The following ZNF202 variants were observed in gnomAD, a reference collection of about 807,000 sequenced individuals.
ZNF202 encodes zinc finger protein with KRAB and SCAN domains 10.
In ZNF202, 22 loss-of-function variants were observed where a neutral mutation model predicts 54.5. That is an observed-to-expected ratio of 0.40 (90% CI 0.29 to 0.58). The LOEUF is 0.58. Ranked by LOEUF, ZNF202 falls within the 20% of genes least tolerant of loss-of-function variation. ZNF202 has a pLI of 0.39. For synonymous variants in ZNF202, 294 were observed against 301.4 expected, an observed-to-expected ratio of 0.98 and a Z score of 0.26; for missense variants, 644 against 805.5, an observed-to-expected ratio of 0.80 and a Z score of 2.43.
At position 123,728,371 on chromosome 11, in the gene ZNF202, CT is replaced by C. The variant is rs1166841378; in HGVS notation, c.703-110del. The C allele has an allele frequency of 5.2e-6, 7 of 1,336,324 alleles. No individual in the cohort carries two copies. The East Asian group carries it at 2.3e-4, about 44-fold the overall frequency. The allele number at this position is 1,336,324 out of a possible 1,614,324, so 82.8% of individuals were successfully genotyped here. Reference sequence around the variant, plus strand: ...GGACTCCTCTAGGAGATGAAAGGAGCTTGAGTGGCGGGCTGCTTAAACTCAT... The same window carrying C: ...GGACTCCTCTAGGAGATGAAAGGAGCTGAGTGGCGGGCTGCTTAAACTCAT... On this transcript the variant is annotated intron_variant, in intron 6 of 8. Coordinates refer to ENST00000530393, the MANE Select transcript of ZNF202 (RefSeq NM_003455.4).
chr11:123,734,099 G>A lies in ZNF202; in HGVS notation c.-97-3114C>T, dbSNP rs187194597. 1.1e-3 allele frequency among the ~76,000 whole-genome samples: 171 copies of A among 152,172 alleles called. 2 individuals are homozygous for A. The highest frequency in any genetic ancestry group is 5.8e-3 in the East Asian group (30 of 5,164). Reference sequence around the variant, plus strand: ...GCGCTTTCCTTTAGCTTTTGAGAGAGAGAGACAGAGAGAGAGAGAGAGACA... The same window carrying A: ...GCGCTTTCCTTTAGCTTTTGAGAGAAAGAGACAGAGAGAGAGAGAGAGACA... On this transcript the variant is annotated intron_variant, in intron 3 of 8. Transcript: ENST00000530393.
intron 3 of ZNF202, among the ~76,000 whole-genome samples, chr11:123,735,949 A>G (rs1183422054): frequency 6.6e-6 from 1 of 152,218 alleles, no homozygotes; most frequent in African/African-American, 2.4e-5. Context: ...AGAGAATACA[A>G]TAGAGAGAAT....
chr11:123,732,407 C>G (rs1039980802), intron 3 of ZNF202, among the ~76,000 whole-genome samples: 2 of 152,224 alleles, frequency 1.3e-5, no homozygotes, highest in South Asian at 2.1e-4. Flanking sequence ...CAGACACACA[C>G]GCACACACGT....
At position 123,730,073 on chromosome 11, in the gene ZNF202, G is replaced by A. The variant is rs1358873316; in HGVS notation, c.403-248C>T. 6.6e-6 allele frequency among the ~76,000 whole-genome samples: 1 copy of A among 152,058 alleles called. No individual in the cohort carries two copies. The highest frequency in any genetic ancestry group is 6.5e-5 in the Admixed American group (1 of 15,270). ...CCCAGCCTGGGCCCCTGTCACCCAA[G>A]GTTCCTTCCCATCTCCACCTGTCCC... On this transcript the variant is annotated intron_variant, in intron 4 of 8. Transcript: ENST00000530393. This position sits in a 1 kb window ranked among gnomAD's most constrained non-coding sequence, Gnocchi z 6.0.
At chr11:123,733,785 T>G (rs1038295718) in intron 3 of ZNF202, among the ~76,000 whole-genome samples, 3 of 152,208 alleles carry the variant, frequency 2.0e-5, no homozygotes, top group African/African-American at 7.2e-5. Context: ...ATTATTTAGA[T>G]CGATGCCTTC....
Position 123,725,977 on chromosome 11 carries a change from C to A in ZNF202, c.*20G>T. 1.3e-6 allele frequency: 2 copies of A among 1,592,096 alleles called. No homozygotes were observed. The highest frequency in any genetic ancestry group is 1.7e-6 in the Non-Finnish European group (2 of 1,167,834). On this transcript the variant is annotated 3_prime_UTR_variant, in exon 9 of 9. Transcript: ENST00000530393. ...CCTTAGGTGAGGGCTGAAAGCAGAT[C>A]TCCTCACATGGGGACCTAGCTAGGA...
rs1861322772 is a variant in ZNF202 at position 123,729,742 on chromosome 11, C to A, written c.486G>T (p.Leu162=). 6.2e-7 allele frequency: 1 copy of A among 1,614,046 alleles called. No individual in the cohort carries two copies. The highest frequency in any genetic ancestry group is 8.5e-7 in the Non-Finnish European group (1 of 1,179,976). ...GGGTCGAGCTTTGCACAGGATCCTGCAGCTCATTAGGTGACTCAGGCTCCA... is the reference window on the plus strand; with the variant it reads ...GGGTCGAGCTTTGCACAGGATCCTGAAGCTCATTAGGTGACTCAGGCTCCA... The part of the protein sequence containing the change: ...LGVEPESPNE[L]QDPVQSSTPE... Residue 162 remains leucine, a synonymous_variant, in exon 5 of 9, where the codon CTG becomes CTT. Coordinates refer to ENST00000530393, the MANE Select transcript of ZNF202 (RefSeq NM_003455.4).
chr11:123,739,641 A>C (rs1861779158), intron 3 of ZNF202: 1 of 152,234 alleles, frequency 6.6e-6, no homozygotes, highest in Admixed American at 6.5e-5. Context: ...CGCTTTCTTA[A>C]TTTTGCGAAC....
Position 123,726,560 on chromosome 11 carries a change from A to G in ZNF202, c.1384T>C (p.Leu462=), listed in dbSNP as rs1440507471. ...PYKYPLNRKN[L]EETSPVTQAE... ...TGTGTCACAGGGGAGGTCTCTTCCA[A>G]ATTCTTCCGGTTTAGGGGATATTTG... The change falls in exon 9 of 9, where the codon TTG becomes CTG. Residue 462 remains leucine (L), a synonymous_variant. Coordinates refer to ENST00000530393, the MANE Select transcript of ZNF202 (RefSeq NM_003455.4). This position sits in a 1 kb window ranked among gnomAD's most constrained non-coding sequence, Gnocchi z 6.0. 6.2e-6 allele frequency: 10 copies of G among 1,614,060 alleles called. No homozygotes were observed. The highest frequency in any genetic ancestry group is 8.5e-6 in the Non-Finnish European group (10 of 1,180,042).
At chr11:123,737,014 G>A (rs879844915) in intron 3 of ZNF202, among the ~76,000 whole-genome samples, 19 of 151,794 alleles carry the variant, frequency 1.3e-4, no homozygotes, top group African/African-American at 3.1e-4. Context: ...AATCTTGGTC[G>A]GTCTATTGTT....
At chr11:123,728,567 A>G (rs1281046076) in intron 6 of ZNF202, among the ~76,000 whole-genome samples, 3 of 152,222 alleles carry the variant, frequency 2.0e-5, no homozygotes, top group African/African-American at 7.2e-5. Flanking sequence ...CGCTATATAC[A>G]TTTCTGCAAA....
chr11:123,730,816 C>A lies in ZNF202; in HGVS notation c.73G>T (p.Asp25Tyr). Reference sequence around the variant, plus strand: ...GACTCTGGCCGACAGGTGAAATCATCTTCCAGTTTCACCATCAGAATTCCC... The same window carrying A: ...GACTCTGGCCGACAGGTGAAATCATATTCCAGTTTCACCATCAGAATTCCC... Reference protein sequence around the residue: ...EEGILMVKLEDDFTCRPESVL... With the variant: ...EEGILMVKLEYDFTCRPESVL... Residue 25 changes from aspartate (D) to tyrosine (Y), a missense_variant, in exon 4 of 9, where the codon GAT becomes TAT. Physicochemically the swap from Asp to Tyr is radical, Grantham distance 160. Coordinates refer to ENST00000530393, the MANE Select transcript of ZNF202 (RefSeq NM_003455.4). This position sits in a 1 kb window ranked among gnomAD's most constrained non-coding sequence, Gnocchi z 6.0. 6.2e-7 allele frequency: 1 copy of A among 1,614,208 alleles called. No homozygotes were observed.
chr11:123,728,987 C>G (rs959733997), intron 6 of ZNF202, 139 bp downstream of exon 6: 2 of 748,870 alleles, frequency 2.7e-6, no homozygotes, highest in Admixed American at 5.0e-5. Context: ...TATCTCCTCC[C>G]CTTCCAGGTA....
intron 3 of ZNF202, among the ~76,000 whole-genome samples, chr11:123,737,066 T>C (rs1461687454): frequency 1.3e-5 from 2 of 152,016 alleles, no homozygotes; most frequent in Non-Finnish European, 2.9e-5. Flanking sequence ...AAATCCTTGC[T>C]TTGGAGGCAC....
intron 8 of ZNF202, 58 bp downstream of exon 8, chr11:123,727,418 C>A: frequency 6.2e-7 from 1 of 1,606,206 alleles, no homozygotes. Flanking sequence ...GAGAGAGAAG[C>A]ACTGCCTAGA....
rs35259314 is a variant in ZNF202, at chr11:123,728,053, A to C, written c.832+80T>G. On this transcript the variant is annotated intron_variant, in intron 7 of 8. Transcript: ENST00000530393. ...AGAGAAGTTCACTGCATACAATCTA[A>C]GGTCTAAGATCCCCCAAAATTTCCA... is the stretch of plus-strand genomic sequence containing the variant. 1,469 of 1,511,920 alleles carry C rather than the reference A, an allele frequency of 9.7e-4. 8 individuals carry two copies. The African/African-American group carries it at 0.018, about 18-fold the overall frequency. The allele number at this position is 1,511,920 out of a possible 1,614,324, so 93.7% of individuals were successfully genotyped here.
At chr11:123,728,297 G>A (rs1861245837) in intron 6 of ZNF202, 35 bp from the exon 7 acceptor site, 2 of 1,581,578 alleles carry the variant, frequency 1.3e-6, no homozygotes, top group African/African-American at 1.4e-5. Context: ...AAAACGTGAT[G>A]CTACGGGTAG....
rs3183878 is a variant in ZNF202, at chr11:123,725,995, A to T, written c.*2T>A. ...AGCAGATCTCCTCACATGGGGACCT[A>T]GCTAGGAGGTCTTTTCTGAGTGGGT... On this transcript the variant is annotated 3_prime_UTR_variant, in exon 9 of 9. Transcript: ENST00000530393. The T allele has an allele frequency of 2.5e-6, 4 of 1,606,414 alleles. No homozygotes were observed. Among genetic ancestry groups the T allele is most frequent in the Non-Finnish European group, 3.4e-6 (4 of 1,175,334 alleles).
At position 123,728,312 on chromosome 11, in the gene ZNF202, G is replaced by A. The variant is rs11824818; in HGVS notation, c.703-50C>T. The stretch of plus-strand genomic sequence containing the variant: ...AAAACGTGATGCTACGGGTAGCCTC[G>A]TATTTTGTCCCTGTTGAAGGTCATA... On this transcript the variant is annotated intron_variant, in intron 6 of 8. Coordinates refer to ENST00000530393, the MANE Select transcript of ZNF202 (RefSeq NM_003455.4). The A allele has an allele frequency of 2.4e-3, 3,805 of 1,555,340 alleles. 79 individuals are homozygous for A. In the African/African-American group the frequency reaches 0.045, roughly 18 times the overall value.
Sources: allele counts gnomAD v4.1 joint callset (sites outside exome capture counted in the v4.1 genomes callset), GRCh38; gene constraint gnomAD v4.1.1; non-coding constraint Gnocchi (gnomAD v3.1); transcripts MANE v1.5; gene names NCBI Gene and HGNC (gene_info 2026-07-23, HGNC 2026-07-21).